SCN11A: variants seen among roughly 807,000 people sequenced by gnomAD.
SCN11A encodes the protein sodium channel protein type 11 subunit alpha.
In SCN11A, 122 loss-of-function variants were observed where a neutral mutation model predicts 162.2. The observed-to-expected ratio is 0.75, with a 90% CI of 0.65 to 0.87. SCN11A has a LOEUF of 0.87. SCN11A is among the 40% of genes least tolerant of loss of function. SCN11A has a pLI of 0.00. For synonymous variants in SCN11A, 758 were observed against 751.5 expected, an observed-to-expected ratio of 1.01 and a Z score of -0.14; for missense variants, 2,015 against 2,181.6, an observed-to-expected ratio of 0.92 and a Z score of 1.52.
chr3:38,882,211 TG>T (rs1342527178), intron 22 of SCN11A, among the ~76,000 whole-genome samples: 1 of 152,204 alleles, frequency 6.6e-6, no homozygotes, highest in Non-Finnish European at 1.5e-5. Context: ...CAGTCCCCGG[TG>T]GGCTCTGGTA....
At chr3:39,000,144 T>A (rs2030765016) in intron 2 of SCN11A, among the ~76,000 whole-genome samples, 1 of 152,238 alleles carries the variant, frequency 6.6e-6, no homozygotes. Context: ...TAAACTTCAT[T>A]TCCAATTTGA....
At chr3:38,904,730 T>C (rs932731917) in intron 15 of SCN11A, among the ~76,000 whole-genome samples, 3 of 152,198 alleles carry the variant, frequency 2.0e-5, no homozygotes, top group African/African-American at 7.2e-5. Flanking sequence ...TTACCTGCTA[T>C]TAATCTGGTC....
chr3:38,978,645 CAA>C (rs11316563), intron 2 of SCN11A, among the ~76,000 whole-genome samples: 2 of 147,112 alleles, frequency 1.4e-5, no homozygotes, highest in African/African-American at 2.5e-5. Flanking sequence ...GACCCTGTCT[CAA>C]AAAAAAAAAT....
chr3:38,891,593 T>A (rs1250294399), intron 19 of SCN11A, among the ~76,000 whole-genome samples: 1 of 152,228 alleles, frequency 6.6e-6, no homozygotes, highest in East Asian at 1.9e-4. Flanking sequence ...GATATGTATT[T>A]CCTACAGTTC....
chr3:38,936,079 A>T (rs2066326599), intron 7 of SCN11A, among the ~76,000 whole-genome samples: 1 of 151,970 alleles, frequency 6.6e-6, no homozygotes, highest in South Asian at 2.1e-4. Flanking sequence ...GCAAATCAAT[A>T]AATGTAATCC....
At chr3:38,986,650 G>T (rs2030257813) in intron 2 of SCN11A, among the ~76,000 whole-genome samples, 1 of 152,050 alleles carries the variant, frequency 6.6e-6, no homozygotes, top group Non-Finnish European at 1.5e-5. Context: ...TGTTGTTGTT[G>T]TTGTTGTATT....
intron 2 of SCN11A, among the ~76,000 whole-genome samples, chr3:38,998,490 G>T (rs538045047): frequency 8.5e-5 from 13 of 152,170 alleles, no homozygotes. Flanking sequence ...CATTGTGGAA[G>T]TCAGTGTGGT....
chr3:38,863,349 T>G, intron 27 of SCN11A, 50 bp from the exon 28 acceptor site: 3 of 911,092 alleles, frequency 3.3e-6, no homozygotes. Context: ...TTTTTTTTAA[T>G]CTAGTTCTGA....
chr3:38,864,433 T>C (rs866978479), intron 27 of SCN11A, among the ~76,000 whole-genome samples: 2 of 152,156 alleles, frequency 1.3e-5, no homozygotes, highest in East Asian at 3.8e-4. Flanking sequence ...TGTGTGTATG[T>C]GTGTTGTGAG....
At chr3:38,972,044 T>G (rs578074556) in intron 2 of SCN11A, among the ~76,000 whole-genome samples, 2 of 152,274 alleles carry the variant, frequency 1.3e-5, no homozygotes, top group African/African-American at 4.8e-5. Flanking sequence ...CAAAGACTCA[T>G]TTAAGAGGGC....
At chr3:39,010,512 G>A (rs113488209) in intron 2 of SCN11A, among the ~76,000 whole-genome samples, 12,508 of 151,856 alleles carry the variant, frequency 0.082, 722 homozygotes, top group African/African-American at 0.16. Flanking sequence ...CCAAGTAGCT[G>A]GGACTACAGG....
intron 23 of SCN11A, among the ~76,000 whole-genome samples, chr3:38,873,692 C>T (rs1379492881): frequency 1.3e-5 from 2 of 152,062 alleles, no homozygotes; most frequent in African/African-American, 4.8e-5. Context: ...TAAACCTTAC[C>T]CAAGTTTCTG....
At chr3:38,907,704 T>C (rs2065821482) in intron 14 of SCN11A, among the ~76,000 whole-genome samples, 1 of 152,102 alleles carries the variant, frequency 6.6e-6, no homozygotes, top group Admixed American at 6.5e-5. Context: ...CTCTGTGGAG[T>C]ATAAAACATG....
In SCN11A at chr3:38,950,135, C is replaced by G. The variant is rs1431217064; in HGVS notation, c.228G>C (p.Lys76Asn). 1 of 1,577,558 alleles carries G rather than the reference C, an allele frequency of 6.3e-7. No individual in the cohort carries two copies. The highest frequency in any genetic ancestry group is 1.8e-5 in the Admixed American group (1 of 56,554). The change falls in exon 5 of 30, where the codon AAG (lysine) becomes AAC (asparagine). Residue 76 changes from lysine to asparagine, a missense_variant. By Grantham distance (94) the Lys-to-Asn change is moderately conservative. Coordinates refer to ENST00000302328, the MANE Select transcript of SCN11A (RefSeq NM_001349253.2). ...AGAATGGGTCCAAGTCTTCCAGAGGCTTTCCTATGAGCTCACGAGGAATGT... is the reference window on the plus strand; with the variant it reads ...AGAATGGGTCCAAGTCTTCCAGAGGGTTTCCTATGAGCTCACGAGGAATGT... ...YGDIPRELIG[K>N]PLEDLDPFYR...
At position 38,850,590 on chromosome 3, in the gene SCN11A, C is replaced by A; in HGVS notation, c.4218G>T (p.Val1406=). Residue 1406 remains valine (V), a synonymous_variant, in exon 29 of 30, where the codon GTG becomes GTT. Coordinates refer to ENST00000302328, the MANE Select transcript of SCN11A (RefSeq NM_001349253.2). ...SILDHLNWVF[V]VIFTLECLIK... ...TGAGACATTCTAACGTAAAGATGAC[C>A]ACAAAGACCCAGTTGAGATGGTCAA... The A allele has an allele frequency of 6.2e-7, 1 of 1,613,810 alleles. No individual in the cohort carries two copies. The highest frequency in any genetic ancestry group is 8.5e-7 in the Non-Finnish European group (1 of 1,179,884).
At chr3:38,899,794 ATAAAT>A (rs2065666414) in intron 17 of SCN11A, 95 bp downstream of exon 17, 1 of 924,984 alleles carries the variant, frequency 1.1e-6, no homozygotes, top group Non-Finnish European at 1.6e-6. Flanking sequence ...TTAAGGTAAG[ATAAAT>A]TAAAGTTTAG....
At chr3:38,878,827 G>A (rs2126102857) in intron 23 of SCN11A, among the ~76,000 whole-genome samples, 1 of 152,144 alleles carries the variant, frequency 6.6e-6, no homozygotes, top group South Asian at 2.1e-4. Context: ...CAACATTATG[G>A]TTCTCCAGTG....
intron 9 of SCN11A, among the ~76,000 whole-genome samples, chr3:38,923,085 A>C (rs774515089): frequency 6.6e-6 from 1 of 152,144 alleles, no homozygotes; most frequent in Non-Finnish European, 1.5e-5. Context: ...TCATATTCAC[A>C]CCCAACCTTG....
chr3:38,983,997 G>A (rs934593943), intron 2 of SCN11A, among the ~76,000 whole-genome samples: 1 of 152,164 alleles, frequency 6.6e-6, no homozygotes, highest in South Asian at 2.1e-4. Flanking sequence ...GTAAAATGAA[G>A]TCCTGCTGAT....
Sources: allele counts gnomAD v4.1 joint callset (sites outside exome capture counted in the v4.1 genomes callset), GRCh38; gene constraint gnomAD v4.1.1; transcripts MANE v1.5; gene names NCBI Gene and HGNC (gene_info 2026-07-23, HGNC 2026-07-21).